The following DZIP3 variants were observed in gnomAD, a reference collection of about 807,000 sequenced individuals.
DZIP3 encodes E3 ubiquitin-protein ligase DZIP3.
Under a neutral mutation model 162.0 loss-of-function variants are expected in DZIP3, and 118 were observed. The ratio of observed to expected loss-of-function variants is 0.73; its 90% CI spans 0.63 to 0.85. DZIP3 has a LOEUF of 0.85. DZIP3 is among the 40% of genes least tolerant of loss of function. DZIP3 has a pLI of 0.00. For missense variants in DZIP3, 1,331 were observed against 1,407.0 expected (o/e 0.95, Z 0.86); for synonymous variants, 438 against 458.6 (o/e 0.96, Z 0.57).
At chr3:108,643,639 TAAATTTAAATTAATTAAA>T (rs1461198655) in intron 13 of DZIP3, among the ~76,000 whole-genome samples, 1 of 151,124 alleles carries the variant, frequency 6.6e-6, no homozygotes, top group Non-Finnish European at 1.5e-5. Context: ...TGTGGCTACT[TAAATTTAAATTAATTAAA>T]ATTAAATTTA....
At chr3:108,655,818 G>T (rs116243252) in intron 19 of DZIP3, among the ~76,000 whole-genome samples, 1 of 152,160 alleles carries the variant, frequency 6.6e-6, no homozygotes, top group East Asian at 1.9e-4. Flanking sequence ...CTTTTCTGAC[G>T]GTCTCAGCAA....
At chr3:108,635,620 TTA>T (rs1411645935) in intron 10 of DZIP3, among the ~76,000 whole-genome samples, 3 of 117,392 alleles carry the variant, frequency 2.6e-5, no homozygotes, top group South Asian at 5.5e-4. Context: ...ACTATATAAC[TTA>T]TATAATTATA....
At chr3:108,648,726 A>G in intron 16 of DZIP3, 192 bp from the exon 17 acceptor site, 1 of 273,148 alleles carries the variant, frequency 3.7e-6, no homozygotes, top group South Asian at 4.5e-5. Flanking sequence ...ATCAGTGATT[A>G]TTTAAGGACA....
At chr3:108,673,158 T>C (rs1943986037) in intron 23 of DZIP3, among the ~76,000 whole-genome samples, 2 of 151,964 alleles carry the variant, frequency 1.3e-5, no homozygotes, top group African/African-American at 4.8e-5. Context: ...TGTATGTAAT[T>C]TTTATTTATA....
At position 108,631,055 on chromosome 3, in the gene DZIP3, A is replaced by ACACACACACAAACACT; in HGVS notation, c.696+1880_696+1881insACACACACAAACACTC. On this transcript the variant is annotated intron_variant, in intron 8 of 32. Coordinates refer to ENST00000361582, the MANE Select transcript of DZIP3 (RefSeq NM_014648.4). ...CACACACACACACACACACACACAC[A>ACACACACACAAACACT]CTCTCTCTCTCTCTCTCTCTCTCTC... Among the ~76,000 whole-genome samples the ACACACACACAAACACT allele has an allele frequency of 1.1e-4, 2 of 18,006 alleles. 1 individual carries two copies. The highest frequency in any genetic ancestry group is 1.8e-4 in the Non-Finnish European group (2 of 11,164). 11.8% of individuals were successfully genotyped at this position (18,006 alleles called of 152,430 possible). A position where few individuals can be genotyped will look rare whatever the true frequency, so the allele number is the denominator to read the frequency against.
intron 19 of DZIP3, among the ~76,000 whole-genome samples, chr3:108,657,561 C>G (rs1333500407): frequency 1.3e-5 from 2 of 152,262 alleles, no homozygotes; most frequent in South Asian, 4.1e-4. Context: ...ACCATCGAGG[C>G]TAGGAAGAAA....
intron 2 of DZIP3, among the ~76,000 whole-genome samples, 161 bp from the exon 3 acceptor site, chr3:108,607,920 TCTTTAACA>T (rs889382110): frequency 5.9e-5 from 9 of 152,186 alleles, no homozygotes; most frequent in Admixed American, 2.0e-4. Flanking sequence ...CAATTCGTCT[TCTTTAACA>T]TGAGTCTCTA....
chr3:108,647,737 A>G (rs1257992323), intron 15 of DZIP3, among the ~76,000 whole-genome samples: 4 of 152,182 alleles, frequency 2.6e-5, no homozygotes, highest in African/African-American at 9.6e-5. Context: ...ACTCAGGTTC[A>G]CACTGATTAG....
At chr3:108,677,018 G>A (rs1344350150) in intron 25 of DZIP3, among the ~76,000 whole-genome samples, 4 of 152,170 alleles carry the variant, frequency 2.6e-5, no homozygotes, top group African/African-American at 9.6e-5. Flanking sequence ...TACAGATTGT[G>A]AGATAAACAC....
chr3:108,643,627 T>C (rs1245132743), intron 13 of DZIP3, among the ~76,000 whole-genome samples: 1 of 150,814 alleles, frequency 6.6e-6, no homozygotes, highest in Non-Finnish European at 1.5e-5. Context: ...TCCCTAGCTG[T>C]ATGTGGCTAC....
At chr3:108,654,392 T>C (rs757483472) in intron 19 of DZIP3, 82 bp downstream of exon 19, 7 of 1,469,806 alleles carry the variant, frequency 4.8e-6, no homozygotes, top group Non-Finnish European at 5.7e-6. Context: ...CATCACCCTT[T>C]GAAAAGCCCA....
At chr3:108,653,956 G>A (rs987863133) in intron 18 of DZIP3, among the ~76,000 whole-genome samples, 189 bp from the exon 19 acceptor site, 1 of 152,050 alleles carries the variant, frequency 6.6e-6, no homozygotes, top group Non-Finnish European at 1.5e-5. Flanking sequence ...CTTTAAATAT[G>A]CTAATATTCA....
intron 19 of DZIP3, among the ~76,000 whole-genome samples, chr3:108,661,394 G>A (rs1012591370): frequency 1.3e-4 from 19 of 151,952 alleles, no homozygotes; most frequent in Non-Finnish European, 2.5e-4. Flanking sequence ...GACAAAAAAC[G>A]AAACACCACA....
intron 1 of DZIP3, among the ~76,000 whole-genome samples, chr3:108,590,778 A>G (rs1939355998): frequency 2.0e-5 from 3 of 152,248 alleles, no homozygotes. Context: ...ACTCTAGGCA[A>G]GTTCTCACTG....
chr3:108,611,338 A>T lies in DZIP3; in HGVS notation c.258+9A>T, dbSNP rs772440493. 4 of 1,610,002 alleles carry T rather than the reference A, an allele frequency of 2.5e-6. No homozygotes were observed. Among genetic ancestry groups the T allele is most frequent in the Non-Finnish European group, 3.4e-6 (4 of 1,178,716 alleles). ...CCTTCCAAACTATGCAGGTAACGTC[A>T]TAAGTTGTTATTTGGGGCAGAAGTG... is the stretch of plus-strand genomic sequence containing the variant. On this transcript the variant is annotated intron_variant, in intron 4 of 32. Coordinates refer to ENST00000361582, the MANE Select transcript of DZIP3 (RefSeq NM_014648.4).
At chr3:108,636,887 G>A (rs1197400812) in intron 11 of DZIP3, among the ~76,000 whole-genome samples, 179 bp downstream of exon 11, 1 of 151,680 alleles carries the variant, frequency 6.6e-6, no homozygotes, top group Non-Finnish European at 1.5e-5. Flanking sequence ...TGTTTAAGTG[G>A]TCCTTAAGAA....
chr3:108,663,837 T>A, intron 21 of DZIP3, among the ~76,000 whole-genome samples: 1 of 152,176 alleles, frequency 6.6e-6, no homozygotes, highest in East Asian at 1.9e-4. Context: ...CACCAAACAT[T>A]TATCAAGGGC....
intron 4 of DZIP3, among the ~76,000 whole-genome samples, 171 bp from the exon 5 acceptor site, chr3:108,616,370 G>C (rs1349981758): frequency 6.6e-6 from 1 of 150,624 alleles, no homozygotes; most frequent in African/African-American, 2.4e-5. Context: ...CTACTTAAAA[G>C]CAAACATATG....
intron 8 of DZIP3, 114 bp from the exon 9 acceptor site, chr3:108,632,839 T>G: frequency 1.9e-6 from 1 of 513,782 alleles, no homozygotes; most frequent in Non-Finnish European, 3.1e-6. Context: ...TACAAGTACT[T>G]CGAAAAGGGA....
Sources: allele counts gnomAD v4.1 joint callset (sites outside exome capture counted in the v4.1 genomes callset), GRCh38; gene constraint gnomAD v4.1.1; transcripts MANE v1.5; gene names NCBI Gene and HGNC (gene_info 2026-07-23, HGNC 2026-07-21).